Variants in EFHC1 observed in about 807,000 individuals in gnomAD.
EFHC1 encodes EF-hand domain containing 1.
EFHC1 carries 53 observed loss-of-function variants against 69.9 expected under a neutral mutation model. The ratio of observed to expected loss-of-function variants is 0.76; its 90% CI spans 0.61 to 0.95. The LOEUF (loss-of-function observed/expected upper bound fraction) is 0.95. Ranked by LOEUF, EFHC1 falls within the 40% of genes least tolerant of loss-of-function variation. The probability of loss-of-function intolerance (pLI) is 0.00; values close to 1 mark genes in which losing one functional copy is unlikely to be tolerated. For missense variants in EFHC1, 739 were observed against 798.7 expected (o/e 0.93, Z 0.90); for synonymous variants, 256 against 278.4 (o/e 0.92, Z 0.80).
Position 52,468,016 on chromosome 6 carries a change from G to T in EFHC1, c.1138-1317G>T, listed in dbSNP as rs145085575. On this transcript the variant is annotated intron_variant, in intron 6 of 10. Coordinates refer to ENST00000371068, the MANE Select transcript of EFHC1 (RefSeq NM_018100.4). ...GGATATATTCAATTCGAGAGGTATG[G>T]CACTTGTAAGTCAAGCTTCTCTGCT... Among the ~76,000 whole-genome samples, 15 of 152,318 alleles carry T rather than the reference G, an allele frequency of 9.8e-5. No homozygotes were observed. The South Asian group carries it at 3.1e-3, about 32-fold the overall frequency.
In EFHC1 at chr6:52,493,404, T is replaced by TAC. The variant is rs886061634; in HGVS notation, c.*1072_*1073dup. ...TATATATTTTATATGTACACATTCA[T>TAC]ACACACACACGCTTATATGTATACA... On this transcript the variant is annotated 3_prime_UTR_variant, in exon 11 of 11. Coordinates refer to ENST00000371068, the MANE Select transcript of EFHC1 (RefSeq NM_018100.4). 1.5e-5 allele frequency: 4 copies of TAC among 264,258 alleles called. No individual in the cohort carries two copies. The highest frequency in any genetic ancestry group is 2.9e-5 in the Non-Finnish European group (4 of 136,144). 16.4% of individuals were successfully genotyped at this position (264,258 alleles called of 1,614,324 possible).
intron 1 of EFHC1, among the ~76,000 whole-genome samples, chr6:52,421,819 G>A (rs1336598368): frequency 6.6e-6 from 1 of 152,208 alleles, no homozygotes; most frequent in Non-Finnish European, 1.5e-5. Context: ...GCACTTGCCT[G>A]CCCTATACAG....
At chr6:52,432,382 C>T (rs1046659774) in intron 2 of EFHC1, among the ~76,000 whole-genome samples, 2 of 151,980 alleles carry the variant, frequency 1.3e-5, no homozygotes, top group Non-Finnish European at 2.9e-5. Flanking sequence ...TTTAGCAGTT[C>T]TTGTAGTGCT....
intron 5 of EFHC1, among the ~76,000 whole-genome samples, chr6:52,457,241 A>G (rs1040280598): frequency 6.6e-6 from 1 of 152,246 alleles, no homozygotes; most frequent in African/African-American, 2.4e-5. Context: ...TGAGTATACC[A>G]GATTATCTGA....
intron 3 of EFHC1, among the ~76,000 whole-genome samples, chr6:52,449,846 G>T (rs564503040): frequency 6.6e-6 from 1 of 152,236 alleles, no homozygotes; most frequent in East Asian, 1.9e-4. Context: ...CTTGTCTTCT[G>T]CTAGCTTTGA....
chr6:52,446,177 A>G (rs1427276330), intron 3 of EFHC1, among the ~76,000 whole-genome samples: 2 of 152,150 alleles, frequency 1.3e-5, no homozygotes, highest in African/African-American at 4.8e-5. Context: ...GTCTCCCATT[A>G]TTATTGTATG....
chr6:52,432,707 T>C (rs920814630), intron 2 of EFHC1, among the ~76,000 whole-genome samples: 1 of 152,156 alleles, frequency 6.6e-6, no homozygotes, highest in Admixed American at 6.5e-5. Flanking sequence ...TGTAGTGAAT[T>C]TCCCAGGTAT....
intron 7 of EFHC1, among the ~76,000 whole-genome samples, chr6:52,478,041 G>A (rs962864302): frequency 6.6e-6 from 1 of 152,066 alleles, no homozygotes; most frequent in Non-Finnish European, 1.5e-5. Flanking sequence ...GTCCAACAAT[G>A]ATAGACTGGA....
At chr6:52,469,194 T>C in intron 6 of EFHC1, 139 bp from the exon 7 acceptor site, 1 of 1,118,720 alleles carries the variant, frequency 8.9e-7, no homozygotes, top group Non-Finnish European at 1.3e-6. Flanking sequence ...TGTTATATTT[T>C]CTGACTATAT....
At position 52,465,092 on chromosome 6, in the gene EFHC1, C is replaced by T. The variant is rs371151471; in HGVS notation, c.1114C>T (p.Arg372Trp). The change falls in exon 6 of 11, where the codon CGG (arginine) becomes TGG (tryptophan). Residue 372 changes from arginine to tryptophan, a missense_variant. Arg to Trp is a moderately radical substitution (Grantham distance 101). Transcript: ENST00000371068. The part of the protein sequence containing the change: ...TDLPRIDVSK[R>W]EPPPVKQELP... The stretch of plus-strand genomic sequence containing the variant: ...TTTACCACGTATTGATGTGAGCAAG[C>T]GGGAACCACCTCCAGTAAAACAGGT... The T allele has an allele frequency of 4.9e-4, 790 of 1,613,706 alleles. 6 individuals are homozygous for T. In the South Asian group the frequency reaches 8.1e-3, roughly 16 times the overall value.
Position 52,478,989 on chromosome 6 carries a change from G to T in EFHC1, c.1279-48G>T, listed in dbSNP as rs369806725. On this transcript the variant is annotated intron_variant, in intron 7 of 10. Coordinates refer to ENST00000371068, the MANE Select transcript of EFHC1 (RefSeq NM_018100.4). ...TATAGGCATTTAAGTTGGCACATCT[G>T]CATAGACCATGAACCTTCATAATAT... is the stretch of plus-strand genomic sequence containing the variant. 6.6e-5 allele frequency: 105 copies of T among 1,580,862 alleles called. No individual in the cohort carries two copies. The African/African-American group carries it at 1.3e-3, about 20-fold the overall frequency.
At position 52,496,200 on chromosome 6, in the gene EFHC1, ACACACACC is replaced by A. The variant is rs1766054731; in HGVS notation, c.*3867_*3874del. ...AGGGAGTTGAAAGATTCTAATACAC[ACACACACC>A]CACACACACACACACACAAAGAGAG... is the stretch of plus-strand genomic sequence containing the variant. On this transcript the variant is annotated 3_prime_UTR_variant, in exon 11 of 11. Transcript: ENST00000371068. 2 of 109,884 alleles carry A rather than the reference ACACACACC, an allele frequency of 1.8e-5. No homozygotes were observed. The highest frequency in any genetic ancestry group is 7.8e-5 in the Admixed American group (1 of 12,876). 6.8% of individuals were successfully genotyped at this position (109,884 alleles called of 1,614,324 possible). A position where few individuals can be genotyped will look rare whatever the true frequency, so the allele number is the denominator to read the frequency against.
chr6:52,477,621 G>C (rs1201482488), intron 7 of EFHC1, among the ~76,000 whole-genome samples: 1 of 152,180 alleles, frequency 6.6e-6, no homozygotes, highest in Non-Finnish European at 1.5e-5. Flanking sequence ...CAAAGGACAT[G>C]AACAGACACT....
chr6:52,464,142 G>A (rs910595150), intron 5 of EFHC1, among the ~76,000 whole-genome samples: 3 of 152,194 alleles, frequency 2.0e-5, no homozygotes, highest in Admixed American at 6.5e-5. Flanking sequence ...CAGGCTGCAG[G>A]TAATCAATCT....
At chr6:52,456,496 A>G (rs1233344576) in intron 5 of EFHC1, among the ~76,000 whole-genome samples, 2 of 152,244 alleles carry the variant, frequency 1.3e-5, no homozygotes, top group Non-Finnish European at 2.9e-5. Flanking sequence ...TCTCTGCTTT[A>G]TCAATGTGAC....
At position 52,493,748 on chromosome 6, in the gene EFHC1, C is replaced by T. The variant is rs1455836982; in HGVS notation, c.*1407C>T. On this transcript the variant is annotated 3_prime_UTR_variant, in exon 11 of 11. Transcript: ENST00000371068. Reference sequence around the variant, plus strand: ...GTTGCAGTTACTATTCTCTGGTGAGCTCTGACTGGCTTTTTACAAACAGGG... The same window carrying T: ...GTTGCAGTTACTATTCTCTGGTGAGTTCTGACTGGCTTTTTACAAACAGGG... The T allele has an allele frequency of 2.2e-6, 1 of 454,010 alleles. No individual in the cohort carries two copies. The highest frequency in any genetic ancestry group is 4.4e-6 in the Non-Finnish European group (1 of 226,772). 28.1% of individuals were successfully genotyped at this position (454,010 alleles called of 1,614,324 possible). A position where few individuals can be genotyped will look rare whatever the true frequency, so the allele number is the denominator to read the frequency against.
chr6:52,438,116 G>A (rs1764573960), intron 2 of EFHC1, among the ~76,000 whole-genome samples, 188 bp from the exon 3 acceptor site: 1 of 152,128 alleles, frequency 6.6e-6, no homozygotes, highest in African/African-American at 2.4e-5. Flanking sequence ...ACAGGTGGCA[G>A]GTTAGATTTG....
intron 5 of EFHC1, among the ~76,000 whole-genome samples, chr6:52,458,085 T>C (rs1765083514): frequency 6.6e-6 from 1 of 152,106 alleles, no homozygotes; most frequent in Admixed American, 6.5e-5. Flanking sequence ...TTGACAAAGG[T>C]AAAAAAGCAA....
At chr6:52,421,342 A>G (rs1764187074) in intron 1 of EFHC1, among the ~76,000 whole-genome samples, 1 of 151,758 alleles carries the variant, frequency 6.6e-6, no homozygotes, top group African/African-American at 2.4e-5. Context: ...ATTCCTGTTT[A>G]GATTTTGTTT....
Sources: allele counts gnomAD v4.1 joint callset (sites outside exome capture counted in the v4.1 genomes callset), GRCh38; gene constraint gnomAD v4.1.1; transcripts MANE v1.5; gene names NCBI Gene and HGNC (gene_info 2026-07-23, HGNC 2026-07-21).